Variants in MIIP observed in about 807,000 individuals in gnomAD.
MIIP encodes migration and invasion inhibitory protein.
Under a neutral mutation model 44.8 loss-of-function variants are expected in MIIP, and 44 were observed. The ratio of observed to expected loss-of-function variants is 0.98; its 90% CI spans 0.77 to 1.26. The LOEUF is 1.26. MIIP is among the 50% of genes most tolerant of loss of function. MIIP has a pLI of 0.00. For missense variants in MIIP, 496 were observed against 511.7 expected, an observed-to-expected ratio of 0.97 and a Z score of 0.30; for synonymous variants, 225 against 218.3, an observed-to-expected ratio of 1.03 and a Z score of -0.27.
At chr1:12,023,544 C>T (rs954861334) in intron 4 of MIIP, among the ~76,000 whole-genome samples, 14 of 151,742 alleles carry the variant, frequency 9.2e-5, no homozygotes, top group Non-Finnish European at 1.9e-4. Flanking sequence ...GCTGGGACTA[C>T]AGGTGCCTGC....
In MIIP at chr1:12,030,019, C is replaced by T. The variant is rs1457109200; in HGVS notation, c.846-9C>T. On this transcript the variant is annotated splice_polypyrimidine_tract_variant and intron_variant, in intron 7 of 9. Coordinates refer to ENST00000235332, the MANE Select transcript of MIIP (RefSeq NM_021933.4). ...CTCCTCAGGGGTCCCCCACTGCCCC[C>T]CTGCGCAGGGTGAGCATCCCGCTGT... 5 of 1,613,022 alleles carry T rather than the reference C, an allele frequency of 3.1e-6. No homozygotes were observed. In the Admixed American group the frequency reaches 5.0e-5, roughly 16 times the overall value.
intron 6 of MIIP, 105 bp from the exon 7 acceptor site, chr1:12,029,660 A>G: frequency 6.8e-7 from 1 of 1,475,758 alleles, no homozygotes. Context: ...GGCTTCCCAG[A>G]GGGATTGGCA....
rs775769116 is a variant in MIIP, at chr1:12,022,099, G to T, written c.119G>T (p.Ser40Ile). Residue 40 changes from serine to isoleucine, a missense_variant, in exon 3 of 10, where the codon AGC becomes ATC. By Grantham distance (142) the Ser-to-Ile change is moderately radical. Coordinates refer to ENST00000235332, the MANE Select transcript of MIIP (RefSeq NM_021933.4). ...TGACCCGGCCCCTCTCTCCAGTCAAGCCTGGAATCCAGCAGCAGCTACAAC... is the reference window on the plus strand; with the variant it reads ...TGACCCGGCCCCTCTCTCCAGTCAATCCTGGAATCCAGCAGCAGCTACAAC... ...RSVARAASES[S>I]LESSSSYNSE... 7 of 1,613,358 alleles carry T rather than the reference G, an allele frequency of 4.3e-6. No homozygotes were observed. In the African/African-American group the frequency reaches 8.0e-5, roughly 18 times the overall value.
intron 4 of MIIP, among the ~76,000 whole-genome samples, chr1:12,025,032 TTTTTTTTG>T (rs970465451): frequency 2.0e-5 from 3 of 149,682 alleles, no homozygotes; most frequent in African/African-American, 7.4e-5. Flanking sequence ...CCCTTCCTTT[TTTTTTTTG>T]TTTTTTGTTT....
chr1:12,021,507 G>A (rs559821541), intron 1 of MIIP, 138 bp from the exon 2 acceptor site: 27 of 567,158 alleles, frequency 4.8e-5, no homozygotes, highest in African/African-American at 2.5e-4. Flanking sequence ...TACTGTTGTC[G>A]TCCAGCAGAT....
At chr1:12,030,971 G>C (rs1640228899) in intron 8 of MIIP, among the ~76,000 whole-genome samples, 1 of 152,132 alleles carries the variant, frequency 6.6e-6, no homozygotes, top group African/African-American at 2.4e-5. Context: ...AGGTGGGGCT[G>C]TTGAGTGAAG....
intron 4 of MIIP, among the ~76,000 whole-genome samples, chr1:12,025,641 A>C (rs2100900977): frequency 6.6e-6 from 1 of 152,280 alleles, no homozygotes; most frequent in East Asian, 1.9e-4. Context: ...TAGACTTACG[A>C]GGCATGATCT....
chr1:12,029,736 A>G (rs757845887), intron 6 of MIIP, 29 bp from the exon 7 acceptor site: 4 of 1,595,466 alleles, frequency 2.5e-6, no homozygotes, highest in East Asian at 4.5e-5. Flanking sequence ...TGGCTCAGGG[A>G]GAGCTGTGGC....
chr1:12,026,009 A>T (rs944134811), intron 4 of MIIP, among the ~76,000 whole-genome samples: 1 of 151,414 alleles, frequency 6.6e-6, no homozygotes, highest in Non-Finnish European at 1.5e-5. Context: ...TGGCAGGACC[A>T]GAAAGGAGGC....
Position 12,030,068 on chromosome 1 carries a change from T to TA in MIIP, c.887dup (p.Tyr296Ter). 6.2e-7 allele frequency: 1 copy of TA among 1,613,444 alleles called. No homozygotes were observed. Among genetic ancestry groups the TA allele is most frequent in the Non-Finnish European group, 8.5e-7 (1 of 1,179,920 alleles). ...GTCGATCCTGGAGCCCCCGCACCGG[T>TA]ACCACATCCACCGGCGAAAGAGCTT... ...PLSILEPPHR[Y>*]HIHRRKSFDA... Residue 296 changes from tyrosine (Y) to a stop codon, truncating the protein, a stop_gained and frameshift_variant, in exon 8 of 10, where the codon TAC becomes TAAC. Transcript: ENST00000235332. LOFTEE classifies it high-confidence loss of function.
intron 4 of MIIP, 115 bp downstream of exon 4, chr1:12,023,032 C>T (rs886268351): frequency 2.7e-6 from 2 of 730,628 alleles, no homozygotes; most frequent in African/African-American, 1.8e-5. Context: ...TTTCTCTGAC[C>T]GTGCCATCCT....
chr1:12,028,122 G>A (rs1403624524), intron 4 of MIIP, among the ~76,000 whole-genome samples: 3 of 152,164 alleles, frequency 2.0e-5, no homozygotes, highest in Admixed American at 6.5e-5. Flanking sequence ...CATGAGAATC[G>A]CTTGAACCTG....
chr1:12,021,359 A>G (rs1340154868), intron 1 of MIIP, among the ~76,000 whole-genome samples: 2 of 151,016 alleles, frequency 1.3e-5, no homozygotes, highest in Non-Finnish European at 3.0e-5. Context: ...GCGCCACTGC[A>G]CTCCAGCCTG....
intron 1 of MIIP, among the ~76,000 whole-genome samples, chr1:12,020,437 G>A (rs1639946494): frequency 6.6e-6 from 1 of 152,162 alleles, no homozygotes; most frequent in South Asian, 2.1e-4. Flanking sequence ...AATAATAGAC[G>A]TTTATTGAAT....
chr1:12,030,280 G>A (rs1640208574), intron 8 of MIIP, among the ~76,000 whole-genome samples, 156 bp downstream of exon 8: 1 of 152,174 alleles, frequency 6.6e-6, no homozygotes, highest in Admixed American at 6.5e-5. Flanking sequence ...ACCCACACCT[G>A]TACCTAAGGG....
chr1:12,027,438 A>T (rs1275620482), intron 4 of MIIP, among the ~76,000 whole-genome samples: 1 of 152,166 alleles, frequency 6.6e-6, no homozygotes, highest in Non-Finnish European at 1.5e-5. Context: ...TCCTTTGAGT[A>T]GCAGGGGACA....
chr1:12,025,028 C>CTTTTTTTTTTTT (rs147513513), intron 4 of MIIP, among the ~76,000 whole-genome samples: 55 of 123,846 alleles, frequency 4.4e-4, no homozygotes, highest in African/African-American at 5.4e-4. Flanking sequence ...AATTCCCTTC[C>CTTTTTTTTTTTT]TTTTTTTTTT....
chr1:12,023,057 C>CCCTT, intron 4 of MIIP, 140 bp downstream of exon 4: 1 of 522,160 alleles, frequency 1.9e-6, no homozygotes, highest in South Asian at 2.8e-5. Flanking sequence ...GGGGAGCACC[C>CCCTT]TCTTTTTTTT....
intron 8 of MIIP, 148 bp downstream of exon 8, chr1:12,030,272 C>T (rs1251165714): frequency 8.2e-6 from 6 of 733,132 alleles, no homozygotes; most frequent in Non-Finnish European, 1.4e-5. Context: ...CTTCCATCAC[C>T]CACACCTGTA....
Sources: allele counts gnomAD v4.1 joint callset (sites outside exome capture counted in the v4.1 genomes callset), GRCh38; gene constraint gnomAD v4.1.1; transcripts MANE v1.5; gene names NCBI Gene and HGNC (gene_info 2026-07-23, HGNC 2026-07-21).